The following ZNF143 variants were observed in gnomAD, a reference collection of about 807,000 sequenced individuals.
The protein encoded by ZNF143 is SPH-binding factor.
In ZNF143, 49 loss-of-function variants were observed where a neutral mutation model predicts 74.1. The ratio of observed to expected loss-of-function variants is 0.66; its 90% confidence interval spans 0.53 to 0.84. ZNF143 has a LOEUF of 0.84. Ranked by LOEUF, ZNF143 falls within the 40% of genes least tolerant of loss-of-function variation. The pLI is 0.00. For synonymous variants in ZNF143, 304 were observed against 282.8 expected, an observed-to-expected ratio of 1.07 and a Z score of -0.75; for missense variants, 637 against 793.4, an observed-to-expected ratio of 0.80 and a Z score of 2.37.
intron 7 of ZNF143, among the ~76,000 whole-genome samples, chr11:9,491,452 C>G (rs1359198463): frequency 2.0e-5 from 3 of 151,838 alleles, no homozygotes; most frequent in African/African-American, 7.3e-5. Flanking sequence ...CTGGCTAACA[C>G]GGTGAAACCC....
chr11:9,506,816 CT>C (rs1306672759), intron 11 of ZNF143, among the ~76,000 whole-genome samples: 2 of 151,348 alleles, frequency 1.3e-5, no homozygotes, highest in Non-Finnish European at 2.9e-5. Flanking sequence ...TTTTCTTTTT[CT>C]TTTTTTTTCT....
chr11:9,516,450 C>T (rs1471616477), intron 14 of ZNF143, 88 bp downstream of exon 14: 8 of 1,275,142 alleles, frequency 6.3e-6, no homozygotes, highest in South Asian at 2.9e-5. Flanking sequence ...AACAGTTAAG[C>T]ACACAAACTT....
At chr11:9,522,807 T>A (rs1349967115) in intron 14 of ZNF143, among the ~76,000 whole-genome samples, 1 of 151,732 alleles carries the variant, frequency 6.6e-6, no homozygotes, top group African/African-American at 2.4e-5. Context: ...TTGGGGTTTT[T>A]AACAATCTTT....
chr11:9,527,309 G>T (rs1380068157), intron 15 of ZNF143, among the ~76,000 whole-genome samples: 1 of 152,128 alleles, frequency 6.6e-6, no homozygotes, highest in African/African-American at 2.4e-5. Context: ...CTGCACATAG[G>T]ATTTGAAATT....
At chr11:9,491,705 G>A (rs971506142) in intron 7 of ZNF143, among the ~76,000 whole-genome samples, 5 of 151,928 alleles carry the variant, frequency 3.3e-5, no homozygotes, top group African/African-American at 9.7e-5. Flanking sequence ...AATACAGCTC[G>A]CTGCAGCCTA....
intron 1 of ZNF143, chr11:9,461,533 C>T (rs983091965): frequency 2.0e-5 from 3 of 152,176 alleles, no homozygotes; most frequent in African/African-American, 7.2e-5. Context: ...AGCGGGGGCG[C>T]CGGGGACAGG....
intron 10 of ZNF143, among the ~76,000 whole-genome samples, chr11:9,500,591 G>A (rs1176268535): frequency 2.6e-5 from 4 of 151,766 alleles, no homozygotes; most frequent in African/African-American, 7.3e-5. Context: ...CCGGCACCAT[G>A]CCCAGCTAAT....
chr11:9,472,355 C>T (rs759531175), intron 2 of ZNF143, among the ~76,000 whole-genome samples: 13 of 151,980 alleles, frequency 8.6e-5, no homozygotes, highest in Non-Finnish European at 1.6e-4. Context: ...TGGGTTCAAG[C>T]GATTCTTCTG....
intron 8 of ZNF143, 130 bp downstream of exon 8, chr11:9,494,895 C>G (rs1847907044): frequency 2.1e-6 from 2 of 947,294 alleles, no homozygotes; most frequent in Admixed American, 5.6e-5. Flanking sequence ...CTTGGTCACA[C>G]TCATACACAG....
chr11:9,483,246 A>G (rs1847319510), intron 7 of ZNF143, among the ~76,000 whole-genome samples: 1 of 141,280 alleles, frequency 7.1e-6, no homozygotes, highest in South Asian at 2.2e-4. Context: ...AACCCACCTC[A>G]GCCTCTGAAA....
At chr11:9,519,765 T>A (rs1848845994) in intron 14 of ZNF143, among the ~76,000 whole-genome samples, 1 of 152,198 alleles carries the variant, frequency 6.6e-6, no homozygotes, top group African/African-American at 2.4e-5. Context: ...GGTCATAGAA[T>A]AGAGGCATAT....
intron 13 of ZNF143, among the ~76,000 whole-genome samples, chr11:9,515,202 T>C (rs544748121): frequency 4.6e-5 from 7 of 152,300 alleles, no homozygotes; most frequent in African/African-American, 1.7e-4. Flanking sequence ...AGATTTTGTT[T>C]TGTTTTGTTT....
intron 7 of ZNF143, among the ~76,000 whole-genome samples, chr11:9,488,170 A>G (rs1051416984): frequency 1.3e-5 from 2 of 152,212 alleles, no homozygotes; most frequent in African/African-American, 2.4e-5. Flanking sequence ...GAATTGCTTC[A>G]ACTTGTGAGG....
At position 9,512,719 on chromosome 11, in the gene ZNF143, G is replaced by T. The variant is rs1024683578; in HGVS notation, c.1524+123G>T. 6 of 1,172,990 alleles carry T rather than the reference G, an allele frequency of 5.1e-6. No homozygotes were observed. The African/African-American group carries it at 7.7e-5, about 15-fold the overall frequency. The allele number at this position is 1,172,990 out of a possible 1,614,324, so 72.7% of individuals were successfully genotyped here. A position where few individuals can be genotyped will look rare whatever the true frequency, so the allele number is the denominator to read the frequency against. On this transcript the variant is annotated intron_variant, in intron 13 of 15. Coordinates refer to ENST00000396602, the MANE Select transcript of ZNF143 (RefSeq NM_003442.6). ...GGGCACAAAGTTTGGAAACCCTGAG[G>T]TTTTTCAGTAGTCTGCTTACAGAGA...
chr11:9,514,358 T>G (rs918919730), intron 13 of ZNF143, among the ~76,000 whole-genome samples: 1 of 152,242 alleles, frequency 6.6e-6, no homozygotes, highest in Non-Finnish European at 1.5e-5. Context: ...CCTTCAGGAA[T>G]TAGATTTCCA....
chr11:9,524,843 A>C (rs1013005077), intron 14 of ZNF143, among the ~76,000 whole-genome samples: 1 of 152,190 alleles, frequency 6.6e-6, no homozygotes, highest in Non-Finnish European at 1.5e-5. Flanking sequence ...AGTAAAGAGG[A>C]AAAAAATCAT....
In ZNF143 at chr11:9,478,449, A is replaced by G; in HGVS notation, c.433A>G (p.Ile145Val). 6.2e-7 allele frequency: 1 copy of G among 1,614,190 alleles called. No homozygotes were observed. Among genetic ancestry groups the G allele is most frequent in the Non-Finnish European group, 8.5e-7 (1 of 1,180,040 alleles). Residue 145 changes from isoleucine (I) to valine (V), a missense_variant, in exon 6 of 16, where the codon ATC (isoleucine) becomes GTC (valine). Coordinates refer to ENST00000396602, the MANE Select transcript of ZNF143 (RefSeq NM_003442.6). ...GCTGGAAGATGGTACCACAGCTTAT[A>G]TCCACCATGCAGTGCAAGTCCCGCA... The part of the protein sequence containing the change: ...VQLEDGTTAY[I>V]HHAVQVPQSD...
At position 9,526,155 on chromosome 11, in the gene ZNF143, G is replaced by A. The variant is rs1026461837; in HGVS notation, c.1833+769G>A. On this transcript the variant is annotated intron_variant, in intron 15 of 15. Transcript: ENST00000396602. ...TGAGACCCCATCTCAAAAAATAAGA[G>A]ACCAGCCCAGGCAACATGACGAAAC... Among the ~76,000 whole-genome samples, 9 of 151,674 alleles carry A rather than the reference G, an allele frequency of 5.9e-5. No homozygotes were observed. In the East Asian group the frequency reaches 1.7e-3, roughly 29 times the overall value.
At chr11:9,487,325 G>T (rs1470459602) in intron 7 of ZNF143, among the ~76,000 whole-genome samples, 2 of 151,338 alleles carry the variant, frequency 1.3e-5, no homozygotes. Context: ...AACGTTACAT[G>T]GTGAGTTTAT....
Sources: allele counts gnomAD v4.1 joint callset (sites outside exome capture counted in the v4.1 genomes callset), GRCh38; gene constraint gnomAD v4.1.1; transcripts MANE v1.5; gene names NCBI Gene and HGNC (gene_info 2026-07-23, HGNC 2026-07-21).